Variants in TLDC2 observed in about 807,000 individuals in gnomAD.
The protein encoded by TLDC2 is TBC/LysM-associated domain containing 2, also known as TLD domain-containing protein 2.
A neutral mutation model predicts 27.9 loss-of-function variants in TLDC2; 23 were observed. That is an observed-to-expected ratio of 0.82 (90% CI 0.59 to 1.17). TLDC2 has a LOEUF of 1.17. Among genes scored for constraint, TLDC2 ranks in the 50% most tolerant of loss-of-function variants. The probability of loss-of-function intolerance (pLI) is 0.00; values close to 1 mark genes in which losing one functional copy is unlikely to be tolerated. For synonymous variants in TLDC2, 124 were observed against 107.4 expected, an observed-to-expected ratio of 1.16 and a Z score of -0.96; for missense variants, 286 against 273.4, an observed-to-expected ratio of 1.05 and a Z score of -0.32.
At chr20:36,885,026 G>A (rs1014127533) in intron 4 of TLDC2, among the ~76,000 whole-genome samples, 1 of 151,722 alleles carries the variant, frequency 6.6e-6, no homozygotes, top group African/African-American at 2.4e-5. Flanking sequence ...TTACAGGCAT[G>A]CCACCACGCC....
chr20:36,889,101 A>G (rs1989994343), intron 5 of TLDC2, 150 bp from the exon 6 acceptor site: 8 of 942,778 alleles, frequency 8.5e-6, no homozygotes, highest in Non-Finnish European at 1.3e-5. Flanking sequence ...CTGAGTCCCC[A>G]ATAATTCAGT....
Position 36,889,333 on chromosome 20 carries a change from G to A in TLDC2, c.595G>A (p.Ala199Thr). 1 of 1,614,214 alleles carries A rather than the reference G, an allele frequency of 6.2e-7. No homozygotes were observed. The highest frequency in any genetic ancestry group is 8.5e-7 in the Non-Finnish European group (1 of 1,180,036). ...CCCGACCTTCAACAACGAGGTGCTG[G>A]CCCGGCAGGAGCAGTTCTGCATCCA... is the stretch of plus-strand genomic sequence containing the variant. ...PCPTFNNEVLARQEQFCIQEL... is the reference protein window; with the variant it reads ...PCPTFNNEVLTRQEQFCIQEL... Residue 199 changes from alanine (A) to threonine (T), a missense_variant, in exon 6 of 7, where the codon GCC (alanine) becomes ACC (threonine). By Grantham distance (58) the Ala-to-Thr change is moderately conservative. Coordinates refer to ENST00000217320, the MANE Select transcript of TLDC2 (RefSeq NM_080628.3).
At chr20:36,887,433 C>T in intron 4 of TLDC2, 22 bp from the exon 5 acceptor site, 2 of 1,606,946 alleles carry the variant, frequency 1.2e-6, no homozygotes, top group Non-Finnish European at 1.7e-6. Context: ...GTAACCTGAG[C>T]CTTTCCCTAT....
chr20:36,881,108 A>G (rs1989804933), intron 4 of TLDC2, among the ~76,000 whole-genome samples: 2 of 152,178 alleles, frequency 1.3e-5, no homozygotes. Context: ...GGGGCCAGGC[A>G]CCGTGGCTCA....
chr20:36,876,705 A>G (rs1989676261), intron 1 of TLDC2, among the ~76,000 whole-genome samples: 1 of 151,888 alleles, frequency 6.6e-6, no homozygotes, highest in Admixed American at 6.6e-5. Flanking sequence ...ATGCACTCAT[A>G]CACACTCAAA....
At chr20:36,876,489 A>C (rs1283337149) in intron 1 of TLDC2, among the ~76,000 whole-genome samples, 1 of 152,248 alleles carries the variant, frequency 6.6e-6, no homozygotes, top group East Asian at 1.9e-4. Flanking sequence ...ACACAGCTAG[A>C]CCTGCCTCAG....
chr20:36,892,455 C>T (rs757535793), intron 6 of TLDC2: 16 of 196,202 alleles, frequency 8.2e-5, no homozygotes, highest in Non-Finnish European at 1.4e-4. Flanking sequence ...GTACCCTTGT[C>T]TCATTTCTAC....
intron 4 of TLDC2, among the ~76,000 whole-genome samples, chr20:36,883,471 C>T (rs972711897): frequency 6.6e-6 from 1 of 152,086 alleles, no homozygotes; most frequent in African/African-American, 2.4e-5. Flanking sequence ...ATGTCCCAAA[C>T]GGAGCTCCTG....
chr20:36,887,802 A>G (rs1989955882), intron 5 of TLDC2, among the ~76,000 whole-genome samples: 2 of 152,194 alleles, frequency 1.3e-5, no homozygotes, highest in Admixed American at 1.3e-4. Context: ...AGAATTCCAC[A>G]TGGTTGGATG....
chr20:36,889,207 G>A lies in TLDC2; in HGVS notation c.513-44G>A, dbSNP rs373354024. On this transcript the variant is annotated intron_variant, in intron 5 of 6. Transcript: ENST00000217320. ...CTGGTGGCAGAGCCTGGGGGTTTCA[G>A]CACACAGGAGTGAGCCGCACCAAGA... is the stretch of plus-strand genomic sequence containing the variant. 64 of 1,600,410 alleles carry A rather than the reference G, an allele frequency of 4.0e-5. No homozygotes were observed. The African/African-American group carries it at 8.3e-4, about 21-fold the overall frequency.
chr20:36,887,437 T>C lies in TLDC2; in HGVS notation c.439-18T>C. 1.9e-6 allele frequency: 3 copies of C among 1,610,402 alleles called. No individual in the cohort carries two copies. The highest frequency in any genetic ancestry group is 1.7e-6 in the Non-Finnish European group (2 of 1,176,620). On this transcript the variant is annotated intron_variant, in intron 4 of 6. Transcript: ENST00000217320. ...TCGCTCGCTTAGTAACCTGAGCCTT[T>C]CCCTATGTATCACCCAGGTCTTTAA...
At chr20:36,887,380 A>C in intron 4 of TLDC2, 75 bp from the exon 5 acceptor site, 1 of 1,322,216 alleles carries the variant, frequency 7.6e-7, no homozygotes, top group Non-Finnish European at 1.1e-6. Context: ...ACTGCCATCC[A>C]GTGGTTCGGG....
At chr20:36,883,551 G>A (rs918479159) in intron 4 of TLDC2, among the ~76,000 whole-genome samples, 2 of 152,064 alleles carry the variant, frequency 1.3e-5, no homozygotes, top group African/African-American at 4.8e-5. Context: ...TCCATCTCCC[G>A]CTGCTGAGAC....
intron 3 of TLDC2, 40 bp downstream of exon 3, chr20:36,879,233 C>A (rs764070843): frequency 2.0e-5 from 32 of 1,587,818 alleles, no homozygotes; most frequent in Non-Finnish European, 2.6e-5. Flanking sequence ...TCTGGGGGCA[C>A]CCCACCAGGT....
intron 4 of TLDC2, among the ~76,000 whole-genome samples, chr20:36,886,150 T>G (rs536380407): frequency 6.6e-6 from 1 of 152,010 alleles, no homozygotes; most frequent in Non-Finnish European, 1.5e-5. Context: ...TTTTTTAGAG[T>G]TGGGGTCTTG....
In TLDC2 at chr20:36,876,214, G is replaced by A. The variant is rs1369153860; in HGVS notation, c.33+7G>A. On this transcript the variant is annotated splice_region_variant and intron_variant, in intron 1 of 6. Transcript: ENST00000217320. ...CTGGCGTTACACTCGGCTGGTAAGG[G>A]TTCCAACTCCGTCTGTGGTGCAGGT... is the stretch of plus-strand genomic sequence containing the variant. 5.0e-6 allele frequency: 8 copies of A among 1,614,066 alleles called. No homozygotes were observed. In the African/African-American group the frequency reaches 9.3e-5, roughly 19 times the overall value.
In TLDC2 at chr20:36,889,597, C is replaced by T. The variant is rs78924498; in HGVS notation, c.*17+194C>T. 9.0e-4 allele frequency: 500 copies of T among 556,054 alleles called. 2 individuals are homozygous for T. The highest frequency in any genetic ancestry group is 1.9e-3 in the Middle Eastern group (4 of 2,080). The allele number at this position is 556,054 out of a possible 1,614,324, so 34.4% of individuals were successfully genotyped here. ...GAGGTGACTTTGAAGGATTAAAAGACGCTTACACCTTACTCAAGCAGCACA... is the reference window on the plus strand; with the variant it reads ...GAGGTGACTTTGAAGGATTAAAAGATGCTTACACCTTACTCAAGCAGCACA... On this transcript the variant is annotated intron_variant, in intron 6 of 6. Coordinates refer to ENST00000217320, the MANE Select transcript of TLDC2 (RefSeq NM_080628.3).
intron 1 of TLDC2, among the ~76,000 whole-genome samples, chr20:36,876,882 A>G (rs1989681138): frequency 6.6e-6 from 1 of 152,164 alleles, no homozygotes; most frequent in South Asian, 2.1e-4. Flanking sequence ...AAACACATTG[A>G]TATATAAACA....
chr20:36,886,944 G>C (rs762106965), intron 4 of TLDC2, among the ~76,000 whole-genome samples: 1 of 152,166 alleles, frequency 6.6e-6, no homozygotes. Context: ...GTGTGGGTAT[G>C]GCTGTAGGTA....
Sources: allele counts gnomAD v4.1 joint callset (sites outside exome capture counted in the v4.1 genomes callset), GRCh38; gene constraint gnomAD v4.1.1; transcripts MANE v1.5; gene names NCBI Gene and HGNC (gene_info 2026-07-23, HGNC 2026-07-21).